TBC1D2B: variants seen among roughly 807,000 people sequenced by gnomAD.
The protein encoded by TBC1D2B is TBC1 domain family, member 2B.
TBC1D2B carries 64 observed loss-of-function variants against 100.8 expected under a neutral mutation model. That is an observed-to-expected ratio of 0.64 (90% CI 0.52 to 0.78). TBC1D2B has a LOEUF of 0.78. Among genes scored for constraint, TBC1D2B ranks in the 30% least tolerant of loss-of-function variants. TBC1D2B has a pLI of 0.00. For missense variants in TBC1D2B, 1,052 were observed against 1,218.4 expected, an observed-to-expected ratio of 0.86 and a Z score of 2.03; for synonymous variants, 480 against 479.7, an observed-to-expected ratio of 1.00 and a Z score of -0.01.
chr15:78,066,874 C>T (rs1010947631), intron 1 of TBC1D2B, among the ~76,000 whole-genome samples: 3 of 152,240 alleles, frequency 2.0e-5, no homozygotes, highest in Non-Finnish European at 4.4e-5. Flanking sequence ...GCCTCAATCT[C>T]TGCCAGGGAA....
At chr15:78,074,616 T>C (rs1250787089) in intron 1 of TBC1D2B, among the ~76,000 whole-genome samples, 2 of 151,956 alleles carry the variant, frequency 1.3e-5, no homozygotes, top group African/African-American at 2.4e-5. Context: ...CCCAATCACA[T>C]CCTCCCTCTT....
At chr15:78,015,203 AAAAACAAAATAAAAC>A (rs1651743131) in intron 8 of TBC1D2B, among the ~76,000 whole-genome samples, 2 of 152,234 alleles carry the variant, frequency 1.3e-5, no homozygotes, top group African/African-American at 4.8e-5. Context: ...TCTGTCTCAA[AAAAACAAAATAAAAC>A]AAAACAAAAC....
chr15:78,023,588 C>A (rs1027162219), intron 6 of TBC1D2B, among the ~76,000 whole-genome samples: 3 of 152,196 alleles, frequency 2.0e-5, no homozygotes, highest in African/African-American at 7.2e-5. Flanking sequence ...TAAGGGCTAG[C>A]CCAGAGAAGG....
Position 78,028,648 on chromosome 15 carries a change from C to T in TBC1D2B, c.847+1359G>A, listed in dbSNP as rs182767784. 1.2e-4 allele frequency among the ~76,000 whole-genome samples: 19 copies of T among 152,304 alleles called. No homozygotes were observed. The East Asian group carries it at 2.7e-3, about 22-fold the overall frequency. ...TTCAGATGCGATACGATAGGAAGCA[C>T]GCAGCATCTCCCCACCAAAACAGCA... On this transcript the variant is annotated intron_variant, in intron 4 of 12. Coordinates refer to ENST00000300584, the MANE Select transcript of TBC1D2B (RefSeq NM_144572.2).
intron 3 of TBC1D2B, among the ~76,000 whole-genome samples, chr15:78,034,318 A>G (rs1824964189): frequency 6.6e-6 from 1 of 152,220 alleles, no homozygotes; most frequent in South Asian, 2.1e-4. Context: ...TTTTGACATG[A>G]CTGGTTCATC....
At chr15:78,057,197 TAAATTCCTGA>T (rs145986329) in intron 1 of TBC1D2B, among the ~76,000 whole-genome samples, 4,576 of 152,314 alleles carry the variant, frequency 0.03, 251 homozygotes, top group African/African-American at 0.11. Context: ...CATCTCTCAC[TAAATTCCTGA>T]GGCAAAACTT....
chr15:78,016,472 G>A lies in TBC1D2B; in HGVS notation c.1775+74C>T, dbSNP rs539451829. On this transcript the variant is annotated intron_variant, in intron 8 of 12. Transcript: ENST00000300584. ...CACACAGTTGTGTACGGCTCTCTGC[G>A]AATGGTTCCTGCTGTTGAAAAAGGG... The A allele has an allele frequency of 1.5e-5, 21 of 1,421,668 alleles. No individual in the cohort carries two copies. In the African/African-American group the frequency reaches 1.5e-4, roughly 10 times the overall value. The allele number at this position is 1,421,668 out of a possible 1,614,324, so 88.1% of individuals were successfully genotyped here.
intron 6 of TBC1D2B, among the ~76,000 whole-genome samples, chr15:78,020,292 G>C (rs2072484076): frequency 6.6e-6 from 1 of 152,204 alleles, no homozygotes; most frequent in Non-Finnish European, 1.5e-5. Flanking sequence ...GTGATGGATA[G>C]AGACTGAGTG....
intron 4 of TBC1D2B, among the ~76,000 whole-genome samples, chr15:78,026,644 G>C (rs1255311376): frequency 2.0e-5 from 3 of 152,164 alleles, no homozygotes; most frequent in Admixed American, 6.5e-5. Flanking sequence ...GGACAGGCAT[G>C]GTGGCTCACG....
rs2589372 is a variant in TBC1D2B, at chr15:77,999,077, C to T, written c.2697-722G>A. 62 of 290,870 alleles carry T rather than the reference C, an allele frequency of 2.1e-4. 1 individual carries two copies. Among genetic ancestry groups the T allele is most frequent in the South Asian group, 6.4e-4 (22 of 34,512 alleles). 18.0% of individuals were successfully genotyped at this position (290,870 alleles called of 1,614,324 possible). ...TGGATTTGTAGCACTAATGGGTCAG[C>T]CACACTGGTCTCTGGGGATCACAAA... On this transcript the variant is annotated intron_variant, in intron 12 of 12. Transcript: ENST00000300584.
chr15:78,000,289 G>A (rs1480833648), intron 12 of TBC1D2B, among the ~76,000 whole-genome samples: 1 of 152,226 alleles, frequency 6.6e-6, no homozygotes, highest in Non-Finnish European at 1.5e-5. Flanking sequence ...CGGTGCCAGG[G>A]AAGGGCGGGC....
Position 78,013,047 on chromosome 15 carries a change from C to A in TBC1D2B, c.2046G>T (p.Lys682Asn), listed in dbSNP as rs774737781. The change falls in exon 9 of 13, where the codon AAG becomes AAT. Residue 682 changes from lysine to asparagine, a missense_variant. By Grantham distance (94) the Lys-to-Asn change is moderately conservative. Coordinates refer to ENST00000300584, the MANE Select transcript of TBC1D2B (RefSeq NM_144572.2). The stretch of plus-strand genomic sequence containing the variant: ...GGCCAGGCTCAGTGTTGTCCTTGAA[C>A]TTCCTGGTGTGACGGTCCACACACC... ...WKWCVDRHTRKFKDNTEPGHF... is the reference protein window; with the variant it reads ...WKWCVDRHTRNFKDNTEPGHF... 59 of 1,613,882 alleles carry A rather than the reference C, an allele frequency of 3.7e-5. No individual in the cohort carries two copies. Among genetic ancestry groups the A allele is most frequent in the Non-Finnish European group, 4.4e-5 (52 of 1,179,860 alleles).
chr15:78,001,999 G>A, intron 11 of TBC1D2B: 1 of 255,720 alleles, frequency 3.9e-6, no homozygotes, highest in Admixed American at 5.4e-5. Flanking sequence ...AGATCTTTGT[G>A]GAATCCTTTC....
At chr15:78,027,684 C>T (rs1000301301) in intron 4 of TBC1D2B, among the ~76,000 whole-genome samples, 32 of 152,240 alleles carry the variant, frequency 2.1e-4, no homozygotes, top group African/African-American at 7.2e-4. Context: ...ACTAAGCACT[C>T]CCGATTCTTC....
At chr15:78,021,001 C>T (rs772861476) in intron 6 of TBC1D2B, among the ~76,000 whole-genome samples, 1 of 152,126 alleles carries the variant, frequency 6.6e-6, no homozygotes, top group Non-Finnish European at 1.5e-5. Context: ...ATGGAACAAT[C>T]CGAAAGTCCA....
At chr15:78,029,201 C>G (rs1411154408) in intron 4 of TBC1D2B, among the ~76,000 whole-genome samples, 1 of 151,894 alleles carries the variant, frequency 6.6e-6, no homozygotes, top group Non-Finnish European at 1.5e-5. Context: ...GGACTACAGG[C>G]GCCCCCCACC....
chr15:78,045,111 A>C (rs553796247), intron 2 of TBC1D2B, 43 bp from the exon 3 acceptor site: 2 of 1,560,132 alleles, frequency 1.3e-6, no homozygotes, highest in African/African-American at 2.7e-5. Context: ...CAAAGCTTCC[A>C]CACGAAACTT....
intron 3 of TBC1D2B, among the ~76,000 whole-genome samples, chr15:78,039,274 C>T (rs940669024): frequency 6.6e-6 from 1 of 152,190 alleles, no homozygotes; most frequent in Non-Finnish European, 1.5e-5. Flanking sequence ...CTTTGGGCTG[C>T]GCCGGGCCCT....
intron 3 of TBC1D2B, among the ~76,000 whole-genome samples, chr15:78,040,542 C>T (rs971513215): frequency 2.8e-5 from 4 of 142,596 alleles, no homozygotes; most frequent in African/African-American, 1.0e-4. Context: ...AAGTAGAGAC[C>T]CTGTCTCAAA....
Sources: allele counts gnomAD v4.1 joint callset (sites outside exome capture counted in the v4.1 genomes callset), GRCh38; gene constraint gnomAD v4.1.1; transcripts MANE v1.5; gene names NCBI Gene and HGNC (gene_info 2026-07-23, HGNC 2026-07-21).